Variants in RBM27 observed in about 807,000 individuals in gnomAD.
The protein encoded by RBM27 is RNA binding motif protein 27.
Under a neutral mutation model 135.3 loss-of-function variants are expected in RBM27, and 22 were observed. The observed-to-expected ratio is 0.16, with a 90% CI of 0.12 to 0.23. The LOEUF (loss-of-function observed/expected upper bound fraction) is 0.23. Ranked by LOEUF, RBM27 falls within the 10% of genes least tolerant of loss-of-function variation. RBM27 has a pLI of 1.00. For synonymous variants in RBM27, 481 were observed against 442.4 expected (o/e 1.09, Z -1.10); for missense variants, 1,009 against 1,281.0 (o/e 0.79, Z 3.24).
chr5:146,247,271 T>G (rs1166046994), intron 8 of RBM27, among the ~76,000 whole-genome samples: 1 of 152,240 alleles, frequency 6.6e-6, no homozygotes, highest in Non-Finnish European at 1.5e-5. Flanking sequence ...CTGTAAAAAC[T>G]TATGTATCTT....
rs754931929 is a variant in RBM27 at position 146,230,728 on chromosome 5, C to G, written c.661C>G (p.Pro221Ala). 6.2e-7 allele frequency: 1 copy of G among 1,613,846 alleles called. No homozygotes were observed. Among genetic ancestry groups the G allele is most frequent in the Non-Finnish European group, 8.5e-7 (1 of 1,179,726 alleles). ...LESSYVPVSA[P>A]PPNSSEQYSS... ...GAGTTCCTATGTGCCTGTGTCTGCA[C>G]CACCTCCAAACTCTTCTGAGCAGTA... is the stretch of plus-strand genomic sequence containing the variant. The change falls in exon 6 of 21, where the codon CCA (proline) becomes GCA (alanine). Residue 221 changes from proline to alanine, a missense_variant. By Grantham distance (27) the Pro-to-Ala change is conservative. Coordinates refer to ENST00000265271, the MANE Select transcript of RBM27 (RefSeq NM_018989.2).
At chr5:146,269,976 A>G (rs893627322) in intron 17 of RBM27, among the ~76,000 whole-genome samples, 4 of 152,046 alleles carry the variant, frequency 2.6e-5, no homozygotes, top group Non-Finnish European at 5.9e-5. Flanking sequence ...TTAACTGAAT[A>G]TTTTGGTTCT....
chr5:146,267,568 A>G (rs540039910), intron 14 of RBM27, 81 bp from the exon 15 acceptor site: 13 of 916,280 alleles, frequency 1.4e-5, no homozygotes, highest in Non-Finnish European at 2.2e-5. Flanking sequence ...AAATATATGC[A>G]TCTTTTCTAA....
chr5:146,219,920 G>C (rs915475806), intron 2 of RBM27, among the ~76,000 whole-genome samples: 1 of 150,048 alleles, frequency 6.7e-6, no homozygotes, highest in African/African-American at 2.5e-5. Flanking sequence ...TTGTAGTGTT[G>C]GGGTCTCACT....
intron 13 of RBM27, among the ~76,000 whole-genome samples, chr5:146,262,114 A>G (rs1011433371): frequency 1.3e-5 from 2 of 152,204 alleles, no homozygotes; most frequent in Non-Finnish European, 2.9e-5. Flanking sequence ...TTTACATCAG[A>G]ATCACTTACC....
At chr5:146,237,566 A>G (rs955523332) in intron 8 of RBM27, 134 bp downstream of exon 8, 1 of 1,071,632 alleles carries the variant, frequency 9.3e-7, no homozygotes, top group Admixed American at 2.4e-5. Flanking sequence ...TGTGTTTACA[A>G]TACAGTTTAT....
In RBM27 at chr5:146,251,864, C is replaced by G. The variant is rs368103941; in HGVS notation, c.1433C>G (p.Pro478Arg). ...CATACCTCAGTCTCCAGCCCTACCC[C>G]TCTGGTTCCAGGTAAGCTTTGCTAC... ...GYHTSVSSPT[P>R]LVPDTYEPDG... Residue 478 changes from proline to arginine, a missense_variant, in exon 9 of 21, where the codon CCT (proline) becomes CGT (arginine). Physicochemically the swap from Pro to Arg is moderately radical, Grantham distance 103 (BLOSUM62 -2). Coordinates refer to ENST00000265271, the MANE Select transcript of RBM27 (RefSeq NM_018989.2). 1.2e-5 allele frequency: 19 copies of G among 1,613,924 alleles called. No individual in the cohort carries two copies. The African/African-American group carries it at 2.4e-4, about 20-fold the overall frequency.
At chr5:146,272,879 G>A (rs1411591681) in intron 19 of RBM27, among the ~76,000 whole-genome samples, 3 of 152,144 alleles carry the variant, frequency 2.0e-5, no homozygotes, top group Non-Finnish European at 2.9e-5. Context: ...AATGTCCTCT[G>A]GGTTGTGAAT....
intron 1 of RBM27, among the ~76,000 whole-genome samples, chr5:146,207,334 C>G (rs1323538988): frequency 1.3e-5 from 2 of 151,780 alleles, no homozygotes; most frequent in African/African-American, 2.4e-5. Flanking sequence ...CTGCTTTAGC[C>G]TCCCGAGTAG....
chr5:146,211,464 CTTTTTTTTTTTTTTTTT>C (rs57117642), intron 1 of RBM27, among the ~76,000 whole-genome samples: 15 of 49,930 alleles, frequency 3.0e-4, no homozygotes, highest in East Asian at 2.5e-3. Flanking sequence ...ATGGTCTTAT[CTTTTTTTTTTTTTTTTT>C]TTTTTTTTTT....
At chr5:146,265,290 C>T (rs1010304457) in intron 14 of RBM27, among the ~76,000 whole-genome samples, 8 of 151,488 alleles carry the variant, frequency 5.3e-5, no homozygotes, top group Non-Finnish European at 1.0e-4. Flanking sequence ...TTTATATGTA[C>T]CATGGAGTGA....
chr5:146,270,573 C>T (rs1298834747), intron 17 of RBM27, among the ~76,000 whole-genome samples: 1 of 152,092 alleles, frequency 6.6e-6, no homozygotes. Context: ...GTTGTGGATT[C>T]CAATCTGGTA....
chr5:146,217,474 T>TG (rs1401080046), intron 1 of RBM27, among the ~76,000 whole-genome samples: 5 of 133,984 alleles, frequency 3.7e-5, no homozygotes, highest in Admixed American at 2.2e-4. Context: ...GTTTTTTTTT[T>TG]TTTTTTTTTT....
chr5:146,276,063 G>A (rs1226898016), intron 19 of RBM27, among the ~76,000 whole-genome samples: 2 of 151,678 alleles, frequency 1.3e-5, no homozygotes, highest in Non-Finnish European at 2.9e-5. Flanking sequence ...CATTGCACCT[G>A]GCTAGTTTTT....
At chr5:146,242,965 G>A (rs1314466676) in intron 8 of RBM27, among the ~76,000 whole-genome samples, 1 of 151,946 alleles carries the variant, frequency 6.6e-6, no homozygotes, top group Non-Finnish European at 1.5e-5. Flanking sequence ...CTATTCAGTT[G>A]ATTTTAAGAT....
chr5:146,231,734 C>G (rs1756942359), intron 6 of RBM27, among the ~76,000 whole-genome samples: 1 of 152,164 alleles, frequency 6.6e-6, no homozygotes, highest in Non-Finnish European at 1.5e-5. Flanking sequence ...TTTCCTGCCT[C>G]AGCCTCCCAA....
rs540161971 is a variant in RBM27 at position 146,287,978 on chromosome 5, C to T, written c.*1948C>T. On this transcript the variant is annotated 3_prime_UTR_variant, in exon 21 of 21. Coordinates refer to ENST00000265271, the MANE Select transcript of RBM27 (RefSeq NM_018989.2). ...ATATTTTGAGTCCTGACAGTTTAAACGTGATAGAGGGAACAAAGGATTTAT... is the reference window on the plus strand; with the variant it reads ...ATATTTTGAGTCCTGACAGTTTAAATGTGATAGAGGGAACAAAGGATTTAT... 3.3e-5 allele frequency: 5 copies of T among 151,746 alleles called. No homozygotes were observed. The highest frequency in any genetic ancestry group is 2.1e-4 in the South Asian group (1 of 4,806). The allele number at this position is 151,746 out of a possible 1,614,324, so 9.4% of individuals were successfully genotyped here.
chr5:146,245,945 C>G (rs1001090093), intron 8 of RBM27, among the ~76,000 whole-genome samples: 17 of 152,126 alleles, frequency 1.1e-4, no homozygotes, highest in African/African-American at 4.1e-4. Flanking sequence ...GGCTTTCTCC[C>G]CCTTGTATTT....
chr5:146,274,375 G>C (rs1759000622), intron 19 of RBM27, among the ~76,000 whole-genome samples: 1 of 152,176 alleles, frequency 6.6e-6, no homozygotes, highest in African/African-American at 2.4e-5. Context: ...TCGTGCCTCA[G>C]CCTCCTGAGT....
Sources: gnomAD v4.1 joint callset for allele counts (sites outside exome capture counted in the v4.1 genomes callset) on GRCh38, gnomAD v4.1.1 for gene constraint, MANE v1.5 for transcripts, NCBI Gene and HGNC (gene_info 2026-07-23, HGNC 2026-07-21) for gene names.